Variants in NRXN3 observed in about 807,000 individuals in gnomAD.
NRXN3 encodes neurexin 3.
Under a neutral mutation model 137.6 loss-of-function variants are expected in NRXN3, and 32 were observed. The ratio of observed to expected loss-of-function variants is 0.23; its 90% CI spans 0.18 to 0.31. The LOEUF is 0.31. Among genes scored for constraint, NRXN3 ranks in the 10% least tolerant of loss-of-function variants. The pLI is 1.00. For missense variants in NRXN3, 1,574 were observed against 2,062.5 expected (o/e 0.76, Z 4.59); for synonymous variants, 798 against 784.5 (o/e 1.02, Z -0.29).
intron 17 of NRXN3, among the ~76,000 whole-genome samples, chr14:79,673,144 G>A (rs2098620098): frequency 6.6e-6 from 1 of 152,048 alleles, no homozygotes; most frequent in African/African-American, 2.4e-5. Flanking sequence ...GAGGGGAAAG[G>A]GGGTCAGAAG....
intron 15 of NRXN3, among the ~76,000 whole-genome samples, chr14:79,367,044 C>T (rs368924712): frequency 1.1e-4 from 15 of 132,500 alleles, no homozygotes; most frequent in East Asian, 6.9e-4. Context: ...AGTGCAGTGG[C>T]GCATTCTTGG....
intron 16 of NRXN3, among the ~76,000 whole-genome samples, chr14:79,541,424 T>G (rs947085977): frequency 6.6e-6 from 1 of 152,162 alleles, no homozygotes; most frequent in South Asian, 2.1e-4. Context: ...ATACTTGCCA[T>G]TGGATTCAGA....
At chr14:79,603,308 C>T (rs1186238794) in intron 16 of NRXN3, among the ~76,000 whole-genome samples, 1 of 152,222 alleles carries the variant, frequency 6.6e-6, no homozygotes, top group Non-Finnish European at 1.5e-5. Flanking sequence ...TATTTGGTAG[C>T]TAATACATCT....
rs151134085 is a variant in NRXN3, at chr14:78,624,923, C to T, written c.758-20197C>T. On this transcript the variant is annotated intron_variant, in intron 4 of 20. Coordinates refer to ENST00000335750, the MANE Select transcript of NRXN3 (RefSeq NM_001330195.2). ...GTGGTGCGATCTTGGTTCACTGCAACCTCCGCCTCCCAGGTTCAAGCGATT... is the reference window on the plus strand; with the variant it reads ...GTGGTGCGATCTTGGTTCACTGCAATCTCCGCCTCCCAGGTTCAAGCGATT... 2.0e-3 allele frequency among the ~76,000 whole-genome samples: 310 copies of T among 152,232 alleles called. 2 individuals carry two copies. The highest frequency in any genetic ancestry group is 7.1e-3 in the African/African-American group (293 of 41,518).
At chr14:79,675,943 A>G (rs1242588065) in intron 17 of NRXN3, among the ~76,000 whole-genome samples, 3 of 152,100 alleles carry the variant, frequency 2.0e-5, no homozygotes, top group African/African-American at 7.2e-5. Flanking sequence ...AAGAATTTTG[A>G]TTAGCCACCC....
intron 10 of NRXN3, among the ~76,000 whole-genome samples, chr14:78,886,340 AT>A (rs1171329024): frequency 2.0e-5 from 3 of 152,164 alleles, no homozygotes; most frequent in African/African-American, 7.2e-5. Flanking sequence ...CCATTATTGT[AT>A]ATAGTGCCTG....
chr14:79,351,916 AC>A (rs1472432961), intron 15 of NRXN3, among the ~76,000 whole-genome samples: 1 of 152,080 alleles, frequency 6.6e-6, no homozygotes, highest in African/African-American at 2.4e-5. Context: ...GCAGACTTTC[AC>A]CCCCCTCCAA....
chr14:79,858,840 T>C (rs898360149), intron 20 of NRXN3, among the ~76,000 whole-genome samples: 9 of 152,040 alleles, frequency 5.9e-5, no homozygotes, highest in African/African-American at 2.2e-4. Context: ...AATAAAAAAG[T>C]TTGCTCAGAG....
chr14:78,797,152 G>A (rs576235015), intron 8 of NRXN3, among the ~76,000 whole-genome samples: 2 of 152,258 alleles, frequency 1.3e-5, no homozygotes, highest in African/African-American at 4.8e-5. Flanking sequence ...CCTTTCTGAG[G>A]GGGGAGACGA....
At chr14:78,766,182 A>G (rs1053211398) in intron 8 of NRXN3, among the ~76,000 whole-genome samples, 2 of 152,186 alleles carry the variant, frequency 1.3e-5, no homozygotes, top group Admixed American at 1.3e-4. Context: ...GTAGACATCT[A>G]TTGCTGTGGA....
At chr14:78,453,860 A>C (rs1400866757) in intron 4 of NRXN3, among the ~76,000 whole-genome samples, 1 of 152,208 alleles carries the variant, frequency 6.6e-6, no homozygotes, top group Non-Finnish European at 1.5e-5. Flanking sequence ...AAATGACCAG[A>C]AACTAAAAAA....
intron 4 of NRXN3, among the ~76,000 whole-genome samples, chr14:78,551,820 T>C (rs1158079230): frequency 1.3e-5 from 2 of 151,998 alleles, no homozygotes; most frequent in Non-Finnish European, 2.9e-5. Context: ...CTTTTTACTT[T>C]TCTTCAAGTG....
intron 15 of NRXN3, among the ~76,000 whole-genome samples, chr14:79,174,719 A>C (rs2062135291): frequency 1.3e-5 from 2 of 151,648 alleles, no homozygotes; most frequent in Non-Finnish European, 2.9e-5. Context: ...CCTATCAGGG[A>C]CTATTATGCA....
intron 1 of NRXN3, among the ~76,000 whole-genome samples, chr14:78,239,530 C>T (rs1468774175): frequency 6.6e-6 from 1 of 152,178 alleles, no homozygotes; most frequent in African/African-American, 2.4e-5. Flanking sequence ...TTATCCATGT[C>T]CGGCTTCATG....
At chr14:78,974,540 T>C (rs2099456755) in intron 14 of NRXN3, among the ~76,000 whole-genome samples, 1 of 152,168 alleles carries the variant, frequency 6.6e-6, no homozygotes, top group East Asian at 1.9e-4. Flanking sequence ...TTTAGGGACA[T>C]AGTGGTTTGG....
intron 16 of NRXN3, among the ~76,000 whole-genome samples, chr14:79,543,734 A>G (rs1001081356): frequency 6.6e-6 from 1 of 152,340 alleles, no homozygotes; most frequent in African/African-American, 2.4e-5. Context: ...TGAGTGAAGC[A>G]GGCCAGGTGG....
At chr14:79,653,376 G>GCTAT (rs2098486299) in intron 16 of NRXN3, among the ~76,000 whole-genome samples, 2 of 152,126 alleles carry the variant, frequency 1.3e-5, no homozygotes, top group Admixed American at 6.6e-5. Flanking sequence ...AGTGATGTGT[G>GCTAT]CTATCTTTTA....
chr14:79,826,847 C>T (rs939191637), intron 20 of NRXN3, among the ~76,000 whole-genome samples: 1 of 152,158 alleles, frequency 6.6e-6, no homozygotes, highest in Non-Finnish European at 1.5e-5. Context: ...AGCAAGTAAA[C>T]TTCTTAAAGT....
intron 15 of NRXN3, among the ~76,000 whole-genome samples, chr14:79,379,808 T>C (rs1231117747): frequency 6.6e-6 from 1 of 152,100 alleles, no homozygotes; most frequent in Non-Finnish European, 1.5e-5. Context: ...CCATAAAACA[T>C]GCTTTCCAAT....
Sources: gnomAD v4.1 joint callset for allele counts (sites outside exome capture counted in the v4.1 genomes callset) on GRCh38, gnomAD v4.1.1 for gene constraint, MANE v1.5 for transcripts, NCBI Gene and HGNC (gene_info 2026-07-23, HGNC 2026-07-21) for gene names.